TRIM9: variants seen among roughly 807,000 people sequenced by gnomAD.
The protein encoded by TRIM9 is tripartite motif containing 9.
Under a neutral mutation model 78.3 loss-of-function variants are expected in TRIM9, and 26 were observed. The ratio of observed to expected loss-of-function variants is 0.33; its 90% CI spans 0.24 to 0.46. TRIM9 has a LOEUF of 0.46. TRIM9 is among the 20% of genes least tolerant of loss of function. The probability of loss-of-function intolerance (pLI) is 1.00; values close to 1 mark genes in which losing one functional copy is unlikely to be tolerated. For missense variants in TRIM9, 787 were observed against 1,036.4 expected, an observed-to-expected ratio of 0.76 and a Z score of 3.30; for synonymous variants, 398 against 416.5, an observed-to-expected ratio of 0.96 and a Z score of 0.54.
intron 1 of TRIM9, among the ~76,000 whole-genome samples, chr14:51,056,409 C>A (rs1329642553): frequency 6.6e-6 from 1 of 152,136 alleles, no homozygotes; most frequent in Non-Finnish European, 1.5e-5. Flanking sequence ...AGGTGAATTT[C>A]TAAAAACAAA....
intron 7 of TRIM9, among the ~76,000 whole-genome samples, chr14:50,995,431 C>G (rs1488355672): frequency 1.3e-5 from 2 of 152,182 alleles, no homozygotes; most frequent in African/African-American, 2.4e-5. Context: ...TTATCAAGCA[C>G]TGCCCAATAA....
chr14:51,066,748 C>T (rs891695665), intron 1 of TRIM9, among the ~76,000 whole-genome samples: 2 of 152,136 alleles, frequency 1.3e-5, no homozygotes, highest in African/African-American at 2.4e-5. Flanking sequence ...GTGCAGAAAA[C>T]GGAAGTGAGG....
intron 1 of TRIM9, among the ~76,000 whole-genome samples, chr14:51,069,447 C>T (rs919861467): frequency 6.6e-6 from 1 of 152,146 alleles, no homozygotes. Flanking sequence ...CAACATCCTA[C>T]AATGCATAGG....
intron 4 of TRIM9, 133 bp downstream of exon 4, chr14:51,010,251 A>G (rs1457629359): frequency 1.5e-6 from 1 of 645,904 alleles, no homozygotes; most frequent in Non-Finnish European, 2.7e-6. Flanking sequence ...TTCCATGTAC[A>G]CTGCAGTGTG....
intron 1 of TRIM9, among the ~76,000 whole-genome samples, chr14:51,030,253 CCATCA>C (rs1440829749): frequency 6.6e-6 from 1 of 152,204 alleles, no homozygotes; most frequent in African/African-American, 2.4e-5. Flanking sequence ...ACTTGGGGAA[CCATCA>C]AGCTGAGCTG....
intron 1 of TRIM9, among the ~76,000 whole-genome samples, chr14:51,063,548 G>T (rs1427050175): frequency 6.6e-6 from 1 of 151,926 alleles, no homozygotes; most frequent in Non-Finnish European, 1.5e-5. Flanking sequence ...ACATATGACA[G>T]TCAAAGTCCT....
chr14:51,089,616 C>G (rs1464339299), intron 1 of TRIM9, among the ~76,000 whole-genome samples: 1 of 152,172 alleles, frequency 6.6e-6, no homozygotes, highest in East Asian at 1.9e-4. Context: ...GCCTTATCAG[C>G]TATTTCAGCT....
At chr14:51,067,336 C>T (rs28656870) in intron 1 of TRIM9, among the ~76,000 whole-genome samples, 8,011 of 152,098 alleles carry the variant, frequency 0.053, 224 homozygotes, top group East Asian at 0.091. Flanking sequence ...TAGTCCTAGC[C>T]ACCATCACCT....
intron 1 of TRIM9, among the ~76,000 whole-genome samples, chr14:51,068,348 A>C (rs2061928981): frequency 1.5e-5 from 2 of 133,024 alleles, no homozygotes; most frequent in Non-Finnish European, 3.4e-5. Context: ...AACAAAAACA[A>C]AAACAAAAAA....
At chr14:51,053,335 T>C (rs1214107635) in intron 1 of TRIM9, among the ~76,000 whole-genome samples, 1 of 151,826 alleles carries the variant, frequency 6.6e-6, no homozygotes, top group African/African-American at 2.4e-5. Flanking sequence ...TCCCACAGTA[T>C]TTATCAAACC....
chr14:51,045,254 G>A (rs1288952680), intron 1 of TRIM9, among the ~76,000 whole-genome samples: 1 of 152,182 alleles, frequency 6.6e-6, no homozygotes, highest in African/African-American at 2.4e-5. Flanking sequence ...TGAGATATAT[G>A]GGACAGAGTG....
intron 1 of TRIM9, among the ~76,000 whole-genome samples, chr14:51,033,988 A>T (rs972559036): frequency 1.2e-4 from 18 of 152,230 alleles, no homozygotes; most frequent in African/African-American, 4.3e-4. Context: ...AATAAGTATA[A>T]ATGCTAAAGA....
intron 12 of TRIM9, among the ~76,000 whole-genome samples, chr14:50,978,139 C>T (rs2051305811): frequency 6.6e-6 from 1 of 152,202 alleles, no homozygotes; most frequent in South Asian, 2.1e-4. Context: ...AAAACCCCAT[C>T]TCCTTGCAGG....
At chr14:50,983,123 C>T (rs771055049) in intron 9 of TRIM9, among the ~76,000 whole-genome samples, 158 bp from the exon 10 acceptor site, 8 of 152,162 alleles carry the variant, frequency 5.3e-5, no homozygotes, top group Non-Finnish European at 1.2e-4. Context: ...TGTACCTTTA[C>T]CCACATTTAG....
At chr14:51,018,000 TG>T (rs10713868) in intron 3 of TRIM9, among the ~76,000 whole-genome samples, 62,841 of 152,020 alleles carry the variant, frequency 0.41, 13,401 homozygotes, top group African/African-American at 0.44. Flanking sequence ...TCATTCATGA[TG>T]GGCTTGTAAT....
At position 51,018,459 on chromosome 14, in the gene TRIM9, T is replaced by C. The variant is rs540582859; in HGVS notation, c.1041+4376A>G. On this transcript the variant is annotated intron_variant, in intron 3 of 12. Transcript: ENST00000684578. ...AAATAGCTGCAGTAAGCAGTTCATA[T>C]GCCAATAATATCCGTAACGTAAATT... Among the ~76,000 whole-genome samples, 3 of 152,330 alleles carry C rather than the reference T, an allele frequency of 2.0e-5. No homozygotes were observed. In the South Asian group the frequency reaches 6.2e-4, roughly 32 times the overall value.
At chr14:51,024,027 T>C (rs1448912510) in intron 2 of TRIM9, among the ~76,000 whole-genome samples, 1 of 152,252 alleles carries the variant, frequency 6.6e-6, no homozygotes, top group Non-Finnish European at 1.5e-5. Flanking sequence ...CATTAGTAAT[T>C]GCTTGAGCAA....
chr14:51,024,185 G>A (rs2058017480), intron 2 of TRIM9, among the ~76,000 whole-genome samples: 1 of 152,220 alleles, frequency 6.6e-6, no homozygotes, highest in Non-Finnish European at 1.5e-5. Flanking sequence ...CTCTGTCACT[G>A]ATTTAGAGCA....
intron 1 of TRIM9, among the ~76,000 whole-genome samples, chr14:51,040,632 T>C (rs1189712055): frequency 6.6e-6 from 1 of 152,226 alleles, no homozygotes; most frequent in African/African-American, 2.4e-5. Flanking sequence ...GTAAAGCTTG[T>C]GGTACACATC....
Sources: allele counts gnomAD v4.1 joint callset (sites outside exome capture counted in the v4.1 genomes callset), GRCh38; gene constraint gnomAD v4.1.1; transcripts MANE v1.5; gene names NCBI Gene and HGNC (gene_info 2026-07-23, HGNC 2026-07-21).